The following C12orf56 variants were observed in gnomAD, a reference collection of about 807,000 sequenced individuals.
The protein encoded by C12orf56 is chromosome 12 open reading frame 56, also known as uncharacterized protein C12orf56.
A neutral mutation model predicts 69.9 loss-of-function variants in C12orf56; 71 were observed. The ratio of observed to expected loss-of-function variants is 1.02; its 90% CI spans 0.84 to 1.24. The LOEUF (loss-of-function observed/expected upper bound fraction) is 1.24, where lower values mean the gene tolerates loss of function less well. Among genes scored for constraint, C12orf56 ranks in the 50% most tolerant of loss-of-function variants. The pLI, the probability that C12orf56 is intolerant of heterozygous loss-of-function variation, is 0.00. For synonymous variants in C12orf56, 276 were observed against 274.1 expected (o/e 1.01, Z -0.07); for missense variants, 732 against 738.5 (o/e 0.99, Z 0.10).
intron 2 of C12orf56, among the ~76,000 whole-genome samples, chr12:64,345,405 T>C (rs942805792): frequency 6.6e-6 from 1 of 152,158 alleles, no homozygotes; most frequent in African/African-American, 2.4e-5. Context: ...CTAGGGAAGC[T>C]GTTTCTTCTG....
At chr12:64,278,858 T>C (rs1383835047) in intron 8 of C12orf56, among the ~76,000 whole-genome samples, 1 of 152,174 alleles carries the variant, frequency 6.6e-6, no homozygotes, top group Non-Finnish European at 1.5e-5. Context: ...AACTCAAAAG[T>C]CAAACTCGTA....
chr12:64,293,857 G>C (rs375933596), intron 6 of C12orf56, among the ~76,000 whole-genome samples: 1 of 152,314 alleles, frequency 6.6e-6, no homozygotes, highest in South Asian at 2.1e-4. Flanking sequence ...CACAAGGCCA[G>C]GAGTGTGAGA....
At position 64,286,742 on chromosome 12, in the gene C12orf56, A is replaced by T. The variant is rs561550418; in HGVS notation, c.1114-682T>A. Among the ~76,000 whole-genome samples the T allele has an allele frequency of 2.0e-5, 3 of 152,134 alleles. No individual in the cohort carries two copies. The South Asian group carries it at 6.2e-4, about 32-fold the overall frequency. On this transcript the variant is annotated intron_variant, in intron 6 of 12. Transcript: ENST00000543942. Reference sequence around the variant, plus strand: ...AATTGCTTTTCTTTTCTATTCCTCTATTGTTCGTTTTTTCCCCAGGATTTT... The same window carrying T: ...AATTGCTTTTCTTTTCTATTCCTCTTTTGTTCGTTTTTTCCCCAGGATTTT...
chr12:64,285,929 C>A, intron 7 of C12orf56, 25 bp downstream of exon 7: 2 of 1,422,346 alleles, frequency 1.4e-6, no homozygotes, highest in South Asian at 1.3e-5. Flanking sequence ...AAAAAAAAAT[C>A]GATGATTATC....
chr12:64,310,987 C>T (rs1044783156), intron 5 of C12orf56, among the ~76,000 whole-genome samples: 10 of 151,810 alleles, frequency 6.6e-5, no homozygotes, highest in South Asian at 2.1e-4. Context: ...CTCGTCCCTG[C>T]AATAGTTTGC....
At chr12:64,369,370 G>C (rs1565778870) in intron 1 of C12orf56, among the ~76,000 whole-genome samples, 1 of 152,092 alleles carries the variant, frequency 6.6e-6, no homozygotes, top group East Asian at 2.0e-4. Context: ...GCTAATTTTT[G>C]TATTTTTAGT....
intron 3 of C12orf56, among the ~76,000 whole-genome samples, chr12:64,321,918 T>C (rs2038778924): frequency 6.6e-6 from 1 of 151,986 alleles, no homozygotes; most frequent in Non-Finnish European, 1.5e-5. Flanking sequence ...TGTAAGTGTA[T>C]ATCTTTTACC....
intron 1 of C12orf56, among the ~76,000 whole-genome samples, chr12:64,387,739 G>A (rs1406409374): frequency 6.6e-6 from 1 of 151,848 alleles, no homozygotes; most frequent in Non-Finnish European, 1.5e-5. Context: ...TTGAGCCAGG[G>A]AGGCAGAGGT....
chr12:64,390,587 G>T lies in C12orf56; in HGVS notation c.-22C>A. The T allele has an allele frequency of 6.5e-7, 1 of 1,531,020 alleles. No homozygotes were observed. The highest frequency in any genetic ancestry group is 1.2e-5 in the South Asian group (1 of 82,642). 94.8% of individuals were successfully genotyped at this position (1,531,020 alleles called of 1,614,324 possible). On this transcript the variant is annotated 5_prime_UTR_variant, in exon 1 of 13. Coordinates refer to ENST00000543942, the MANE Select transcript of C12orf56 (RefSeq NM_001170633.2). Reference sequence around the variant, plus strand: ...CCATGCCCGGCGCCCGCAGCGTGGCGGAGTGCTGGGACTCGAGGCCCTCAG... The same window carrying T: ...CCATGCCCGGCGCCCGCAGCGTGGCTGAGTGCTGGGACTCGAGGCCCTCAG...
rs2037925113 is a variant in C12orf56, at chr12:64,266,933, C to G, written c.*250G>C. On this transcript the variant is annotated 3_prime_UTR_variant, in exon 13 of 13. Coordinates refer to ENST00000543942, the MANE Select transcript of C12orf56 (RefSeq NM_001170633.2). ...GCAAGAGTGAGTTTGAAGAACTACT[C>G]TAATAAAGAAATGGCTCTTTTGCCC... 2.4e-6 allele frequency: 1 copy of G among 410,484 alleles called. No individual in the cohort carries two copies. Among genetic ancestry groups the G allele is most frequent in the Admixed American group, 4.4e-5 (1 of 22,540 alleles). The allele number at this position is 410,484 out of a possible 1,614,324, so 25.4% of individuals were successfully genotyped here.
intron 2 of C12orf56, 134 bp downstream of exon 2, chr12:64,352,760 A>G: frequency 1.3e-6 from 1 of 748,192 alleles, no homozygotes; most frequent in Admixed American, 4.0e-5. Context: ...CCATGCCTAA[A>G]TTTTCCTGGC....
chr12:64,340,213 C>T (rs2039057558), intron 2 of C12orf56, among the ~76,000 whole-genome samples: 2 of 152,074 alleles, frequency 1.3e-5, no homozygotes, highest in Admixed American at 1.3e-4. Flanking sequence ...TCTGTTTTCA[C>T]ATTTTTCTGC....
At chr12:64,308,940 G>GAAGGAAGA (rs2038563622) in intron 5 of C12orf56, among the ~76,000 whole-genome samples, 3 of 80,878 alleles carry the variant, frequency 3.7e-5, no homozygotes, top group Admixed American at 3.1e-4. Flanking sequence ...AAGAAAGAAA[G>GAAGGAAGA]AAGAAAGAAA....
intron 3 of C12orf56, among the ~76,000 whole-genome samples, chr12:64,328,424 TA>T (rs765116658): frequency 2.0e-5 from 3 of 151,908 alleles, no homozygotes; most frequent in Non-Finnish European, 2.9e-5. Flanking sequence ...CTCATGCCTG[TA>T]ATCCAAGCAC....
chr12:64,338,863 G>A (rs1565763566), intron 2 of C12orf56: 1 of 710,506 alleles, frequency 1.4e-6, no homozygotes, highest in Non-Finnish European at 2.5e-6. Context: ...TGGGAGGAAT[G>A]GGCAGAGGAA....
chr12:64,345,974 G>A (rs2039136139), intron 2 of C12orf56, among the ~76,000 whole-genome samples: 1 of 151,990 alleles, frequency 6.6e-6, no homozygotes, highest in South Asian at 2.1e-4. Context: ...AGCATTTTTT[G>A]GTCTAAGCAT....
chr12:64,386,399 T>TATATATATATA lies in C12orf56; in HGVS notation c.252+3914_252+3915insTATATATATAT, dbSNP rs1555196189. On this transcript the variant is annotated intron_variant, in intron 1 of 12. Coordinates refer to ENST00000543942, the MANE Select transcript of C12orf56 (RefSeq NM_001170633.2). ...TGGCTAATTTTTATATATATATATA[T>TATATATATATA]TTTTTTTTTTTTTTGAGACGGAGTT... 3.9e-3 allele frequency among the ~76,000 whole-genome samples: 315 copies of TATATATATATA among 81,458 alleles called. 2 individuals carry two copies. The highest frequency in any genetic ancestry group is 0.037 in the South Asian group (85 of 2,300). The allele number at this position is 81,458 out of a possible 152,430, so 53.4% of individuals were successfully genotyped here.
chr12:64,328,050 T>C (rs1254179888), intron 3 of C12orf56, among the ~76,000 whole-genome samples: 1 of 152,050 alleles, frequency 6.6e-6, no homozygotes, highest in Non-Finnish European at 1.5e-5. Flanking sequence ...TAATGAAATT[T>C]AGGTTTGGAA....
chr12:64,346,346 A>G (rs1218427483), intron 2 of C12orf56, among the ~76,000 whole-genome samples: 1 of 152,066 alleles, frequency 6.6e-6, no homozygotes, highest in Non-Finnish European at 1.5e-5. Flanking sequence ...TTTATATTCT[A>G]ACCTCACTGG....
Sources: gnomAD v4.1 joint callset for allele counts (sites outside exome capture counted in the v4.1 genomes callset) on GRCh38, gnomAD v4.1.1 for gene constraint, MANE v1.5 for transcripts, NCBI Gene and HGNC (gene_info 2026-07-23, HGNC 2026-07-21) for gene names.